ATP2A1: variants seen among roughly 807,000 people sequenced by gnomAD.
ATP2A1 encodes the protein ATPase sarcoplasmic/endoplasmic reticulum Ca2+ transporting 1.
Under a neutral mutation model 109.5 loss-of-function variants are expected in ATP2A1, and 83 were observed. That is an observed-to-expected ratio of 0.76 (90% CI 0.63 to 0.91). The LOEUF (loss-of-function observed/expected upper bound fraction) is 0.91. Among genes scored for constraint, ATP2A1 ranks in the 40% least tolerant of loss-of-function variants. The probability of loss-of-function intolerance (pLI) is 0.00; values close to 1 mark genes in which losing one functional copy is unlikely to be tolerated. For missense variants in ATP2A1, 1,101 were observed against 1,341.0 expected (o/e 0.82, Z 2.80); for synonymous variants, 505 against 537.6 (o/e 0.94, Z 0.84).
Position 28,903,865 on chromosome 16 carries a change from G to T in ATP2A1, c.*37+124G>T. Reference sequence around the variant, plus strand: ...AGCTCCACCTGGAGCCGTTGCCACTGCTGCTGCTGCGCTTCCAGTCAGGGT... The same window carrying T: ...AGCTCCACCTGGAGCCGTTGCCACTTCTGCTGCTGCGCTTCCAGTCAGGGT... On this transcript the variant is annotated intron_variant, in intron 22 of 22. Coordinates refer to ENST00000395503, the MANE Select transcript of ATP2A1 (RefSeq NM_004320.6). The surrounding 1 kb of genome is among the most constrained non-coding windows in gnomAD (Gnocchi z 5.6). 1 of 954,096 alleles carries T rather than the reference G, an allele frequency of 1.0e-6. No individual in the cohort carries two copies. Among genetic ancestry groups the T allele is most frequent in the Non-Finnish European group, 1.7e-6 (1 of 597,880 alleles). The allele number at this position is 954,096 out of a possible 1,614,324, so 59.1% of individuals were successfully genotyped here.
At position 28,883,003 on chromosome 16, in the gene ATP2A1, C is replaced by T. The variant is rs998343141; in HGVS notation, c.463+414C>T. On this transcript the variant is annotated intron_variant, in intron 5 of 22. Transcript: ENST00000395503. The surrounding 1 kb of genome is among the most constrained non-coding windows in gnomAD (Gnocchi z 5.2). Reference sequence around the variant, plus strand: ...TTGAGGCCTCTCAAAGGGGAAGGAGCGAGGGCAGAAGGGAGGAGGGAGGCC... The same window carrying T: ...TTGAGGCCTCTCAAAGGGGAAGGAGTGAGGGCAGAAGGGAGGAGGGAGGCC... 1.3e-5 allele frequency among the ~76,000 whole-genome samples: 2 copies of T among 152,208 alleles called. No homozygotes were observed. The highest frequency in any genetic ancestry group is 3.9e-4 in the East Asian group (2 of 5,190).
At chr16:28,889,091 C>T (rs1963698539) in intron 9 of ATP2A1, 138 bp downstream of exon 9, 6 of 1,258,142 alleles carry the variant, frequency 4.8e-6, no homozygotes, top group East Asian at 2.4e-5. Flanking sequence ...GGCAGTAGAA[C>T]GCCATCCTGT....
intron 11 of ATP2A1, 87 bp downstream of exon 11, chr16:28,894,694 T>C: frequency 6.3e-7 from 1 of 1,596,302 alleles, no homozygotes; most frequent in Non-Finnish European, 8.6e-7. Context: ...GGGGACCCAG[T>C]ACACCCAGCC....
intron 3 of ATP2A1, chr16:28,879,912 G>A (rs910810098): frequency 3.8e-6 from 3 of 792,654 alleles, no homozygotes; most frequent in Non-Finnish European, 4.7e-6. Flanking sequence ...GCTGCGGCGC[G>A]GGGGGCCACT....
chr16:28,902,774 G>A lies in ATP2A1; in HGVS notation c.2611-4G>A. On this transcript the variant is annotated splice_region_variant and splice_polypyrimidine_tract_variant and intron_variant, in intron 18 of 22. Transcript: ENST00000395503. This position sits in a 1 kb window ranked among gnomAD's most constrained non-coding sequence, Gnocchi z 4.8. Reference sequence around the variant, plus strand: ...GACCTCAGTCTCCCGTACCTTCCCTGCAGACTCACTTCATGCAGTGCACCG... The same window carrying A: ...GACCTCAGTCTCCCGTACCTTCCCTACAGACTCACTTCATGCAGTGCACCG... 2 of 1,613,724 alleles carry A rather than the reference G, an allele frequency of 1.2e-6. No individual in the cohort carries two copies. Among genetic ancestry groups the A allele is most frequent in the Non-Finnish European group, 1.7e-6 (2 of 1,179,890 alleles).
rs766584115 is a variant in ATP2A1, at chr16:28,887,449, G to T, written c.655G>T (p.Ala219Ser). ...FSGTNIAAGKALGIVATTGVG... is the reference protein window; with the variant it reads ...FSGTNIAAGKSLGIVATTGVG... ...GGGCACCAACATTGCAGCCGGCAAG[G>T]CCTTGGGCATCGTGGCCACCACTGG... is the stretch of plus-strand genomic sequence containing the variant. The change falls in exon 8 of 23, where the codon GCC (alanine) becomes TCC (serine). Residue 219 changes from alanine to serine, a missense_variant. Physicochemically the swap from Ala to Ser is moderately conservative, Grantham distance 99. Coordinates refer to ENST00000395503, the MANE Select transcript of ATP2A1 (RefSeq NM_004320.6). 6 of 1,613,906 alleles carry T rather than the reference G, an allele frequency of 3.7e-6. No individual in the cohort carries two copies. The highest frequency in any genetic ancestry group is 5.1e-6 in the Non-Finnish European group (6 of 1,180,000).
At position 28,898,574 on chromosome 16, in the gene ATP2A1, T is replaced by C; in HGVS notation, c.1764+123T>C. On this transcript the variant is annotated intron_variant, in intron 14 of 22. Coordinates refer to ENST00000395503, the MANE Select transcript of ATP2A1 (RefSeq NM_004320.6). The surrounding 1 kb of genome is among the most constrained non-coding windows in gnomAD (Gnocchi z 4.0). ...GTCAGTCAAGTTGATGGCTCCTTAGTACAGGCCATGGAATCACAGGACAGT... is the reference window on the plus strand; with the variant it reads ...GTCAGTCAAGTTGATGGCTCCTTAGCACAGGCCATGGAATCACAGGACAGT... 1 of 1,149,986 alleles carries C rather than the reference T, an allele frequency of 8.7e-7. No homozygotes were observed. Among genetic ancestry groups the C allele is most frequent in the Non-Finnish European group, 1.3e-6 (1 of 797,856 alleles). 71.2% of individuals were successfully genotyped at this position (1,149,986 alleles called of 1,614,324 possible). A position where few individuals can be genotyped will look rare whatever the true frequency, so the allele number is the denominator to read the frequency against.
At chr16:28,878,817 T>C (rs757449636) in intron 1 of ATP2A1, 28 bp downstream of exon 1, 1 of 1,604,396 alleles carries the variant, frequency 6.2e-7, no homozygotes, top group Non-Finnish European at 8.5e-7. Context: ...GAGCGGCTGG[T>C]AATTAATGCC....
intron 9 of ATP2A1, 46 bp downstream of exon 9, chr16:28,888,999 G>C (rs755144331): frequency 3.1e-6 from 5 of 1,609,988 alleles, no homozygotes; most frequent in Non-Finnish European, 4.2e-6. Context: ...GGCTGCCTGT[G>C]GGGGTTAAAT....
At chr16:28,885,827 C>T (rs1156558431) in intron 6 of ATP2A1, among the ~76,000 whole-genome samples, 1 of 151,994 alleles carries the variant, frequency 6.6e-6, no homozygotes, top group Non-Finnish European at 1.5e-5. Flanking sequence ...CAGGGAGGAG[C>T]CATGAGATTC....
intron 2 of ATP2A1, 128 bp downstream of exon 2, chr16:28,879,244 C>G: frequency 3.1e-6 from 4 of 1,294,686 alleles, no homozygotes; most frequent in Non-Finnish European, 4.5e-6. Context: ...ATCTCCCTCC[C>G]TAAAGGTTAG....
At chr16:28,885,620 G>T (rs1963594461) in intron 6 of ATP2A1, among the ~76,000 whole-genome samples, 1 of 151,986 alleles carries the variant, frequency 6.6e-6, no homozygotes. Flanking sequence ...GGGATTACAG[G>T]TGTGAGCCAC....
In ATP2A1 at chr16:28,902,024, C is replaced by G. The variant is rs752371826; in HGVS notation, c.2262C>G (p.Tyr754Ter). 3 of 1,614,214 alleles carry G rather than the reference C, an allele frequency of 1.9e-6. No individual in the cohort carries two copies. In the Admixed American group the frequency reaches 5.0e-5, roughly 27 times the overall value. The change falls in exon 16 of 23, where the codon TAC (tyrosine) becomes TAG (stop). Residue 754 changes from tyrosine to a stop codon, truncating the protein, a stop_gained. Coordinates refer to ENST00000395503, the MANE Select transcript of ATP2A1 (RefSeq NM_004320.6). LOFTEE classifies it high-confidence loss of function. The surrounding 1 kb of genome is among the most constrained non-coding windows in gnomAD (Gnocchi z 4.8). Reference protein sequence around the residue: ...VAAVEEGRAIYNNMKQFIRYL... With the variant: ...VAAVEEGRAI Reference sequence around the variant, plus strand: ...CTGTGGAGGAGGGCCGCGCCATCTACAACAACATGAAGCAGTTCATCCGCT... The same window carrying G: ...CTGTGGAGGAGGGCCGCGCCATCTAGAACAACATGAAGCAGTTCATCCGCT...
chr16:28,899,917 C>T (rs966275773), intron 14 of ATP2A1, among the ~76,000 whole-genome samples: 9 of 149,402 alleles, frequency 6.0e-5, no homozygotes, highest in Non-Finnish European at 1.3e-4. Flanking sequence ...TGAGATCATG[C>T]CATTGCCACT....
rs1203650167 is a variant in ATP2A1, at chr16:28,904,272, C to A, written c.*130C>A. 2.5e-6 allele frequency: 4 copies of A among 1,612,520 alleles called. No individual in the cohort carries two copies. The African/African-American group carries it at 4.0e-5, about 16-fold the overall frequency. ...TCTTCAGGCAGAGCTGTGGCACAGA[C>A]CCCCGTCCTGTCCCCCACACCCGTG... On this transcript the variant is annotated 3_prime_UTR_variant, in exon 23 of 23. Transcript: ENST00000395503.
intron 15 of ATP2A1, 143 bp from the exon 16 acceptor site, chr16:28,901,720 G>A (rs1964079296): frequency 1.3e-6 from 1 of 749,832 alleles, no homozygotes; most frequent in African/African-American, 1.7e-5. Context: ...ACTTTGGGAG[G>A]CTGAGGCAGG....
rs866116557 is a variant in ATP2A1, at chr16:28,879,952, C to T, written c.219+369C>T. 1.6e-4 allele frequency: 161 copies of T among 991,506 alleles called. No individual in the cohort carries two copies. In the African/African-American group the frequency reaches 2.7e-3, roughly 17 times the overall value. 61.4% of individuals were successfully genotyped at this position (991,506 alleles called of 1,614,324 possible). ...CTCCCGGCATGCGCCGGGCGGACGGCCGCTCCACCAATCCCCGCGCCCGTC... is the reference window on the plus strand; with the variant it reads ...CTCCCGGCATGCGCCGGGCGGACGGTCGCTCCACCAATCCCCGCGCCCGTC... On this transcript the variant is annotated intron_variant, in intron 3 of 22. Transcript: ENST00000395503.
chr16:28,889,058 C>G (rs1963697951), intron 9 of ATP2A1, 105 bp downstream of exon 9: 1 of 1,497,050 alleles, frequency 6.7e-7, no homozygotes, highest in Non-Finnish European at 9.2e-7. Context: ...GGCTTCTCAT[C>G]TGGGCCTGCA....
Position 28,902,762 on chromosome 16 carries a change from C to T in ATP2A1, c.2611-16C>T, listed in dbSNP as rs770270064. On this transcript the variant is annotated splice_polypyrimidine_tract_variant and intron_variant, in intron 18 of 22. Transcript: ENST00000395503. This position sits in a 1 kb window ranked among gnomAD's most constrained non-coding sequence, Gnocchi z 4.8. ...GAGGTGGCCCTGGACCTCAGTCTCCCGTACCTTCCCTGCAGACTCACTTCA... is the reference window on the plus strand; with the variant it reads ...GAGGTGGCCCTGGACCTCAGTCTCCTGTACCTTCCCTGCAGACTCACTTCA... 6.2e-6 allele frequency: 10 copies of T among 1,613,690 alleles called. No individual in the cohort carries two copies. The highest frequency in any genetic ancestry group is 4.0e-5 in the African/African-American group (3 of 74,902).
Sources: gnomAD v4.1 joint callset for allele counts (sites outside exome capture counted in the v4.1 genomes callset) on GRCh38, gnomAD v4.1.1 for gene constraint, Gnocchi (gnomAD v3.1) non-coding constraint, MANE v1.5 for transcripts, NCBI Gene and HGNC (gene_info 2026-07-23, HGNC 2026-07-21) for gene names.